Variants in RYR2 observed in about 807,000 individuals in gnomAD.
The protein encoded by RYR2 is ryanodine receptor 2, also known as cardiac muscle ryanodine receptor-calcium release channel.
In RYR2, 227 loss-of-function variants were observed where a neutral mutation model predicts 601.1. The ratio of observed to expected loss-of-function variants is 0.38; its 90% CI spans 0.34 to 0.42. The LOEUF is 0.42. Ranked by LOEUF, RYR2 falls within the 10% of genes least tolerant of loss-of-function variation. The pLI, the probability that RYR2 is intolerant of heterozygous loss-of-function variation, is 1.00. For synonymous variants in RYR2, 2,223 were observed against 2,175.1 expected (o/e 1.02, Z -0.61); for missense variants, 4,646 against 6,156.5 (o/e 0.75, Z 8.21).
Position 237,070,435 on chromosome 1 carries a change from G to T in RYR2, c.48+27866G>T, listed in dbSNP as rs142519533. ...CAATTAAACATTTAGGAGAATAAAG[G>T]TCTTATACTCCTGGTTTCAAGCATT... On this transcript the variant is annotated intron_variant, in intron 1 of 104. Transcript: ENST00000366574. Among the ~76,000 whole-genome samples, 14 of 152,214 alleles carry T rather than the reference G, an allele frequency of 9.2e-5. No individual in the cohort carries two copies. The East Asian group carries it at 2.3e-3, about 25-fold the overall frequency.
intron 1 of RYR2, among the ~76,000 whole-genome samples, chr1:237,113,054 A>G (rs1464455588): frequency 6.6e-6 from 1 of 152,156 alleles, no homozygotes; most frequent in Non-Finnish European, 1.5e-5. Flanking sequence ...GATCCTCAGT[A>G]GGAATTGAGA....
At chr1:237,493,690 G>A (rs1165963647) in intron 19 of RYR2, among the ~76,000 whole-genome samples, 1 of 152,146 alleles carries the variant, frequency 6.6e-6, no homozygotes, top group Non-Finnish European at 1.5e-5. Flanking sequence ...CTGACCTCGT[G>A]ATCTGCCCGC....
Position 237,573,295 on chromosome 1 carries a change from C to T in RYR2, c.3598+3976C>T, listed in dbSNP as rs189363644. Among the ~76,000 whole-genome samples, 53 of 151,938 alleles carry T rather than the reference C, an allele frequency of 3.5e-4. 2 individuals are homozygous for T. The highest frequency in any genetic ancestry group is 1.3e-3 in the African/African-American group (53 of 41,488). ...ATATGTGTGTATGCGCACACATACACACAGACACATGCTGTAGATCCCTGT... is the reference window on the plus strand; with the variant it reads ...ATATGTGTGTATGCGCACACATACATACAGACACATGCTGTAGATCCCTGT... On this transcript the variant is annotated intron_variant, in intron 29 of 104. Coordinates refer to ENST00000366574, the MANE Select transcript of RYR2 (RefSeq NM_001035.3).
Position 237,155,167 on chromosome 1 carries a change from T to C in RYR2, c.48+112598T>C, listed in dbSNP as rs191917445. Among the ~76,000 whole-genome samples, 23 of 121,508 alleles carry C rather than the reference T, an allele frequency of 1.9e-4. No homozygotes were observed. The East Asian group carries it at 5.7e-3, about 30-fold the overall frequency. The allele number at this position is 121,508 out of a possible 152,430, so 79.7% of individuals were successfully genotyped here. Reference sequence around the variant, plus strand: ...GTTACTGAATAATGGTATATATATATTTTTTTCTTTTCTTTTTTTTTTTTT... The same window carrying C: ...GTTACTGAATAATGGTATATATATACTTTTTTCTTTTCTTTTTTTTTTTTT... On this transcript the variant is annotated intron_variant, in intron 1 of 104. Transcript: ENST00000366574.
chr1:237,502,817 A>C (rs1392075916), intron 21 of RYR2, among the ~76,000 whole-genome samples: 3 of 151,934 alleles, frequency 2.0e-5, no homozygotes, highest in Non-Finnish European at 4.4e-5. Flanking sequence ...GTGACCAAGA[A>C]AGTGAAAAAA....
At chr1:237,377,506 A>C in intron 8 of RYR2, 71 bp downstream of exon 8, 2 of 1,133,166 alleles carry the variant, frequency 1.8e-6, no homozygotes, top group Non-Finnish European at 2.6e-6. Context: ...GATCTCTTTA[A>C]GGTTTATATT....
At chr1:237,118,934 C>T (rs1484614332) in intron 1 of RYR2, among the ~76,000 whole-genome samples, 2 of 151,618 alleles carry the variant, frequency 1.3e-5, no homozygotes, top group Admixed American at 1.3e-4. Flanking sequence ...GGAAAAACCC[C>T]TTGTGCAAAA....
At chr1:237,207,526 A>G (rs1681951270) in intron 1 of RYR2, among the ~76,000 whole-genome samples, 1 of 152,238 alleles carries the variant, frequency 6.6e-6, no homozygotes, top group African/African-American at 2.4e-5. Context: ...AGATCATGCC[A>G]TCACACTCCA....
intron 90 of RYR2, 137 bp from the exon 91 acceptor site, chr1:237,785,832 C>G (rs996542540): frequency 1.5e-6 from 1 of 679,364 alleles, no homozygotes. Context: ...ATGAAAAACA[C>G]GTGGCGCTTT....
At chr1:237,501,966 C>T (rs1163927808) in intron 21 of RYR2, among the ~76,000 whole-genome samples, 1 of 151,906 alleles carries the variant, frequency 6.6e-6, no homozygotes, top group Non-Finnish European at 1.5e-5. Flanking sequence ...CACAGTGAGA[C>T]CCTATCTCTG....
intron 10 of RYR2, among the ~76,000 whole-genome samples, chr1:237,403,104 G>T (rs139519010): frequency 1.3e-5 from 2 of 152,116 alleles, no homozygotes; most frequent in African/African-American, 4.8e-5. Context: ...TCACAGGTGC[G>T]TGGAGTAAAG....
chr1:237,732,094 G>C lies in RYR2; in HGVS notation c.10984G>C (p.Asp3662His). Residue 3662 changes from aspartate to histidine, a missense_variant, in exon 78 of 105, where the codon GAT (aspartate) becomes CAT (histidine). Coordinates refer to ENST00000366574, the MANE Select transcript of RYR2 (RefSeq NM_001035.3). ...AGAAGATGAAGGCACTAAGAGAGTT[G>C]ATCCTCTACATCAGCTGATCCTTCT... Reference protein sequence around the residue: ...PEEDEGTKRVDPLHQLILLFS... With the variant: ...PEEDEGTKRVHPLHQLILLFS... The C allele has an allele frequency of 6.2e-7, 1 of 1,611,990 alleles. No individual in the cohort carries two copies.
chr1:237,542,380 C>G (rs974715974), intron 25 of RYR2, among the ~76,000 whole-genome samples: 1 of 152,144 alleles, frequency 6.6e-6, no homozygotes, highest in Non-Finnish European at 1.5e-5. Flanking sequence ...AGAATAGCAC[C>G]TGAAAGCATT....
At chr1:237,627,285 A>G (rs897123026) in intron 40 of RYR2, among the ~76,000 whole-genome samples, 1 of 152,246 alleles carries the variant, frequency 6.6e-6, no homozygotes, top group African/African-American at 2.4e-5. Context: ...TTTTGAAGAC[A>G]TTTTAAATGA....
intron 29 of RYR2, among the ~76,000 whole-genome samples, chr1:237,583,414 T>G (rs533862054): frequency 1.3e-5 from 2 of 152,320 alleles, no homozygotes; most frequent in East Asian, 3.9e-4. Context: ...AATTCTAGCA[T>G]CCATTTAACT....
intron 1 of RYR2, among the ~76,000 whole-genome samples, chr1:237,231,751 GT>G (rs1254552326): frequency 1.3e-5 from 2 of 152,122 alleles, no homozygotes; most frequent in African/African-American, 4.8e-5. Flanking sequence ...GGGGGCTTAA[GT>G]TTATAACACT....
At chr1:237,642,976 T>A (rs1016810187) in intron 47 of RYR2, among the ~76,000 whole-genome samples, 2 of 152,200 alleles carry the variant, frequency 1.3e-5, no homozygotes, top group Non-Finnish European at 2.9e-5. Context: ...GCTCATGTTA[T>A]TGATAGGTAT....
At chr1:237,098,101 T>C (rs1371248139) in intron 1 of RYR2, among the ~76,000 whole-genome samples, 1 of 152,190 alleles carries the variant, frequency 6.6e-6, no homozygotes, top group Admixed American at 6.5e-5. Flanking sequence ...AAAATGCAAT[T>C]ATTCATCTAT....
At chr1:237,830,465 G>A (rs1422999752) in intron 102 of RYR2, 65 bp from the exon 103 acceptor site, 21 of 936,126 alleles carry the variant, frequency 2.2e-5, no homozygotes, top group African/African-American at 6.5e-5. Context: ...CCTACATGGC[G>A]AGTTGTGTTT....
Sources: allele counts gnomAD v4.1 joint callset (sites outside exome capture counted in the v4.1 genomes callset), GRCh38; gene constraint gnomAD v4.1.1; transcripts MANE v1.5; gene names NCBI Gene and HGNC (gene_info 2026-07-23, HGNC 2026-07-21).